Variants in ZFHX3 observed in about 807,000 individuals in gnomAD.
ZFHX3 encodes the protein zinc finger homeobox protein 3.
Under a neutral mutation model 279.1 loss-of-function variants are expected in ZFHX3, and 42 were observed. The ratio of observed to expected loss-of-function variants is 0.15; its 90% CI spans 0.12 to 0.19. The LOEUF is 0.19. ZFHX3 is among the 10% of genes least tolerant of loss of function. ZFHX3 has a pLI of 1.00. For missense variants in ZFHX3, 4,981 were observed against 4,754.0 expected (o/e 1.05, Z -1.40); for synonymous variants, 2,293 against 1,957.8 (o/e 1.17, Z -4.52).
At chr16:72,886,010 G>C (rs1204403289) in intron 4 of ZFHX3, among the ~76,000 whole-genome samples, 3 of 152,178 alleles carry the variant, frequency 2.0e-5, no homozygotes, top group East Asian at 1.9e-4. Context: ...TACAAAATTT[G>C]AAGTTGATCA....
chr16:73,385,433 C>T (rs1232374330), intron 3 of ZFHX3, among the ~76,000 whole-genome samples: 1 of 152,166 alleles, frequency 6.6e-6, no homozygotes, highest in Admixed American at 6.5e-5. Context: ...GCACTTGCTG[C>T]CTTGACCATC....
intron 2 of ZFHX3, among the ~76,000 whole-genome samples, chr16:73,561,819 C>T (rs825688): frequency 0.35 from 52,594 of 151,828 alleles, 10,302 homozygotes; most frequent in Non-Finnish European, 0.46. Context: ...TTAATTGTTC[C>T]GGGCCCTCAT....
chr16:72,922,769 T>C lies in ZFHX3; in HGVS notation c.3216+27700A>G, dbSNP rs147689792. ...GCTGTACAGTTTTTAGAACAGGATA[T>C]TCTATTTTAGGATATCTAATCCTAA... is the stretch of plus-strand genomic sequence containing the variant. On this transcript the variant is annotated intron_variant, in intron 3 of 9. Coordinates refer to ENST00000268489, the MANE Select transcript of ZFHX3 (RefSeq NM_006885.4). Among the ~76,000 whole-genome samples, 85 of 152,290 alleles carry C rather than the reference T, an allele frequency of 5.6e-4. 1 individual carries two copies. Among genetic ancestry groups the C allele is most frequent in the African/African-American group, 1.9e-3 (81 of 41,568 alleles).
At chr16:73,871,980 A>G (rs1455838068) in intron 1 of ZFHX3, among the ~76,000 whole-genome samples, 1 of 152,244 alleles carries the variant, frequency 6.6e-6, no homozygotes, top group Non-Finnish European at 1.5e-5. Flanking sequence ...CAGGTTCACC[A>G]TAATGAAGGT....
chr16:72,874,847 G>A (rs2038269007), intron 4 of ZFHX3, among the ~76,000 whole-genome samples: 2 of 152,214 alleles, frequency 1.3e-5, no homozygotes, highest in Admixed American at 1.3e-4. Context: ...TAGCTGAGTG[G>A]TGTGAAACAA....
intron 1 of ZFHX3, chr16:73,796,463 G>A (rs1368903435): frequency 6.6e-6 from 1 of 152,186 alleles, no homozygotes; most frequent in Non-Finnish European, 1.5e-5. Context: ...CAATAAGAGA[G>A]ACCAACTGCA....
chr16:73,728,261 G>A (rs1396557456), intron 1 of ZFHX3, among the ~76,000 whole-genome samples: 1 of 152,130 alleles, frequency 6.6e-6, no homozygotes, highest in African/African-American at 2.4e-5. Context: ...CCAGAGAGAG[G>A]TGCCTGTGTG....
intron 2 of ZFHX3, among the ~76,000 whole-genome samples, chr16:73,462,347 T>C (rs1041720286): frequency 2.6e-5 from 4 of 152,302 alleles, no homozygotes; most frequent in Admixed American, 6.5e-5. Context: ...TTGACAATTA[T>C]GTATTTTGCA....
intron 1 of ZFHX3, among the ~76,000 whole-genome samples, chr16:73,036,983 TC>T (rs1476094381): frequency 2.0e-5 from 3 of 152,080 alleles, no homozygotes; most frequent in African/African-American, 7.2e-5. Flanking sequence ...GTAGACAACA[TC>T]CAAAAATCAG....
chr16:72,907,899 G>C lies in ZFHX3; in HGVS notation c.3217-17937C>G, dbSNP rs996389986. On this transcript the variant is annotated intron_variant, in intron 3 of 9. Transcript: ENST00000268489. Reference sequence around the variant, plus strand: ...GGGTCTCATCATCTTGACCAGGCTGGTCTCAAACTCCTGGCCTCAAGTGAT... The same window carrying C: ...GGGTCTCATCATCTTGACCAGGCTGCTCTCAAACTCCTGGCCTCAAGTGAT... Among the ~76,000 whole-genome samples, 5 of 151,854 alleles carry C rather than the reference G, an allele frequency of 3.3e-5. No individual in the cohort carries two copies. The South Asian group carries it at 6.2e-4, about 19-fold the overall frequency.
chr16:73,245,138 C>T (rs545029712), intron 5 of ZFHX3, among the ~76,000 whole-genome samples: 2 of 152,298 alleles, frequency 1.3e-5, no homozygotes, highest in South Asian at 4.1e-4. Flanking sequence ...TTACATTTCC[C>T]CCAAAACTCA....
intron 3 of ZFHX3, among the ~76,000 whole-genome samples, chr16:73,353,624 G>A (rs1051768287): frequency 1.3e-5 from 2 of 152,174 alleles, no homozygotes; most frequent in East Asian, 3.9e-4. Context: ...CCAGCTCATG[G>A]CCACTTAGCC....
At position 72,794,728 on chromosome 16, in the gene ZFHX3, G is replaced by T; in HGVS notation, c.7954C>A (p.Gln2652Lys). Reference protein sequence around the residue: ...KRLRTTITPEQLEILYQKYLL... With the variant: ...KRLRTTITPEKLEILYQKYLL... ...TACTTCTGGTAGAGAATTTCTAGTT[G>T]TTCCGGTGTGATGGTTGTTCTCAAA... Residue 2652 changes from glutamine (Q) to lysine (K), a missense_variant, in exon 9 of 10, where the codon CAA becomes AAA. Gln to Lys is a moderately conservative substitution (Grantham distance 53). This residue lies in a region of ZFHX3 where 744 missense variants were observed against 701.3 expected (regional missense o/e 1.06). Coordinates refer to ENST00000268489, the MANE Select transcript of ZFHX3 (RefSeq NM_006885.4). This position sits in a 1 kb window ranked among gnomAD's most constrained non-coding sequence, Gnocchi z 4.2. 6.2e-7 allele frequency: 1 copy of T among 1,614,226 alleles called. No homozygotes were observed. The highest frequency in any genetic ancestry group is 8.5e-7 in the Non-Finnish European group (1 of 1,180,038).
intron 4 of ZFHX3, among the ~76,000 whole-genome samples, chr16:73,270,729 T>A (rs2014120490): frequency 6.6e-6 from 1 of 151,680 alleles, no homozygotes; most frequent in Non-Finnish European, 1.5e-5. Context: ...AGGGAAAGAG[T>A]TTAAAAACAT....
At position 73,219,501 on chromosome 16, in the gene ZFHX3, C is replaced by G. The variant is rs1376807347; in HGVS notation, c.-1104+37546G>C. 2.6e-5 allele frequency among the ~76,000 whole-genome samples: 4 copies of G among 152,306 alleles called. No homozygotes were observed. In the East Asian group the frequency reaches 5.8e-4, roughly 22 times the overall value. ...GAACATGTCATACTGTAGAGATGCC[C>G]TACAACTGGGGCAGGATAATACTGA... is the stretch of plus-strand genomic sequence containing the variant. On this transcript the variant is annotated intron_variant, in intron 5 of 17. Coordinates refer to the ZFHX3 transcript ENST00000641206.
At chr16:73,846,358 C>T (rs761541284) in intron 1 of ZFHX3, among the ~76,000 whole-genome samples, 5 of 152,138 alleles carry the variant, frequency 3.3e-5, no homozygotes, top group East Asian at 1.9e-4. Flanking sequence ...CGAGGGAAAA[C>T]ATGAATGAGC....
chr16:72,812,899 A>T (rs1005196077), intron 5 of ZFHX3, among the ~76,000 whole-genome samples: 17 of 152,310 alleles, frequency 1.1e-4, no homozygotes, highest in African/African-American at 4.1e-4. Flanking sequence ...ACATTTCTTT[A>T]TCTTCTCTAT....
At chr16:72,940,061 C>T (rs771657139) in intron 3 of ZFHX3, among the ~76,000 whole-genome samples, 21 of 151,730 alleles carry the variant, frequency 1.4e-4, no homozygotes, top group Admixed American at 2.6e-4. Flanking sequence ...AGGTGTGTGC[C>T]GCCACACCTG....
At chr16:72,854,330 C>G (rs1745362527) in intron 4 of ZFHX3, among the ~76,000 whole-genome samples, 2 of 152,236 alleles carry the variant, frequency 1.3e-5, no homozygotes, top group South Asian at 4.1e-4. Context: ...TCTGTCACTT[C>G]TATACCGAAA....
Sources: allele counts gnomAD v4.1 joint callset (sites outside exome capture counted in the v4.1 genomes callset), GRCh38; gene constraint gnomAD v4.1.1; regional missense constraint gnomAD v4.1.1; non-coding constraint Gnocchi (gnomAD v3.1); transcripts MANE v1.5; gene names NCBI Gene and HGNC (gene_info 2026-07-23, HGNC 2026-07-21).